The following MED12L variants were observed in gnomAD, a reference collection of about 807,000 sequenced individuals.
MED12L encodes mediator of RNA polymerase II transcription subunit 12-like protein.
Under a neutral mutation model 281.3 loss-of-function variants are expected in MED12L, and 60 were observed. The ratio of observed to expected loss-of-function variants is 0.21; its 90% CI spans 0.17 to 0.26. MED12L has a LOEUF of 0.26. Among genes scored for constraint, MED12L ranks in the 10% least tolerant of loss-of-function variants. The pLI, the probability that MED12L is intolerant of heterozygous loss-of-function variation, is 1.00. For synonymous variants in MED12L, 974 were observed against 987.2 expected, an observed-to-expected ratio of 0.99 and a Z score of 0.25; for missense variants, 2,146 against 2,680.9, an observed-to-expected ratio of 0.80 and a Z score of 4.41.
rs1754478167 is a variant in MED12L at position 151,360,483 on chromosome 3, T to C, written c.2835T>C (p.Gly945=). Residue 945 remains glycine, a synonymous_variant, in exon 21 of 45, where the codon GGT becomes GGC. Transcript: ENST00000687756. The part of the protein sequence containing the change: ...QTAQVFEGLC[G]VVKHVVNPSE... ...ATATTTTTCTCCTCAGGTTGTGTGG[T>C]GTGGTCAAGCATGTCGTAAACCCCT... The C allele has an allele frequency of 6.2e-7, 1 of 1,612,078 alleles. No homozygotes were observed. The highest frequency in any genetic ancestry group is 8.5e-7 in the Non-Finnish European group (1 of 1,178,868).
At position 151,393,843 on chromosome 3, in the gene MED12L, A is replaced by T. The variant is rs1398176950; in HGVS notation, c.5609-813A>T. ...CAGCTTTAAAATGTTTGTTTTCATC[A>T]TACACCTTGCTTTATAGAAAAGATA... On this transcript the variant is annotated intron_variant, in intron 38 of 44. Transcript: ENST00000687756. Among the ~76,000 whole-genome samples, 4 of 152,198 alleles carry T rather than the reference A, an allele frequency of 2.6e-5. No homozygotes were observed. The East Asian group carries it at 5.8e-4, about 22-fold the overall frequency.
At chr3:151,212,587 C>CT (rs1042375492) in intron 16 of MED12L, 1 of 152,002 alleles carries the variant, frequency 6.6e-6, no homozygotes, top group Non-Finnish European at 1.5e-5. Context: ...TAAAAATATT[C>CT]TAACACCAGA....
intron 16 of MED12L, among the ~76,000 whole-genome samples, chr3:151,209,435 A>G (rs138472399): frequency 6.6e-6 from 1 of 152,310 alleles, no homozygotes; most frequent in African/African-American, 2.4e-5. Context: ...AAGAAAAACT[A>G]CATTTTGTTA....
intron 16 of MED12L, chr3:151,337,574 C>T (rs1751179264): frequency 2.1e-6 from 1 of 473,124 alleles, no homozygotes. Context: ...TTGCATGCAG[C>T]ATGACAATTG....
intron 16 of MED12L, chr3:151,337,559 T>C: frequency 2.4e-6 from 1 of 413,074 alleles, no homozygotes; most frequent in Non-Finnish European, 4.3e-6. Context: ...GAATTCTGTG[T>C]AGTTTTGCAT....
At chr3:151,411,861 A>C (rs1716976725) in intron 41 of MED12L, among the ~76,000 whole-genome samples, 1 of 152,194 alleles carries the variant, frequency 6.6e-6, no homozygotes, top group Non-Finnish European at 1.5e-5. Flanking sequence ...TATTGTTAGG[A>C]ATGCCTTACT....
intron 11 of MED12L, among the ~76,000 whole-genome samples, chr3:151,178,935 C>T (rs1257943539): frequency 6.6e-6 from 1 of 152,210 alleles, no homozygotes; most frequent in Non-Finnish European, 1.5e-5. Context: ...AAAAGATTTA[C>T]ATGTAACATT....
In MED12L at chr3:151,087,872, C is replaced by T. The variant is rs375588658; in HGVS notation, c.99+847C>T. Among the ~76,000 whole-genome samples the T allele has an allele frequency of 5.9e-4, 90 of 151,628 alleles. No homozygotes were observed. In the Middle Eastern group the frequency reaches 0.01, roughly 17 times the overall value. On this transcript the variant is annotated intron_variant, in intron 2 of 44. Transcript: ENST00000687756. ...ATCACCTTTGGCTACACCATTTGCC[C>T]AGGGACTTGCCTTTTTTTTGTTTTT...
chr3:151,315,926 TAAAATTTA>T (rs927232191), intron 16 of MED12L, among the ~76,000 whole-genome samples: 1 of 152,196 alleles, frequency 6.6e-6, no homozygotes, highest in African/African-American at 2.4e-5. Flanking sequence ...AAGTCCTTAT[TAAAATTTA>T]AAAGAACTGA....
intron 16 of MED12L, among the ~76,000 whole-genome samples, chr3:151,214,833 A>G (rs1296576298): frequency 6.6e-6 from 1 of 152,218 alleles, no homozygotes; most frequent in East Asian, 1.9e-4. Context: ...CTGTAAAAGC[A>G]GAATTAATGT....
At chr3:151,103,010 A>G (rs1721579320) in intron 2 of MED12L, among the ~76,000 whole-genome samples, 1 of 152,250 alleles carries the variant, frequency 6.6e-6, no homozygotes, top group South Asian at 2.1e-4. Flanking sequence ...CTAGCACACT[A>G]GCTTGTTAAG....
intron 16 of MED12L, among the ~76,000 whole-genome samples, chr3:151,224,282 A>G (rs1300172455): frequency 1.3e-5 from 2 of 152,172 alleles, no homozygotes; most frequent in African/African-American, 4.8e-5. Flanking sequence ...CAAAAGCTTT[A>G]ATACACAGTG....
intron 16 of MED12L, among the ~76,000 whole-genome samples, chr3:151,233,728 C>T (rs538465298): frequency 2.0e-5 from 3 of 152,254 alleles, no homozygotes; most frequent in South Asian, 2.1e-4. Flanking sequence ...AGTGAAACTC[C>T]GTCTCAAAAA....
chr3:151,236,644 A>G (rs1406795527), intron 16 of MED12L, among the ~76,000 whole-genome samples: 3 of 152,174 alleles, frequency 2.0e-5, no homozygotes, highest in Admixed American at 2.0e-4. Flanking sequence ...CTGTTTTACA[A>G]ATTTTTGTAA....
chr3:151,111,208 G>T (rs1711831165), intron 2 of MED12L, among the ~76,000 whole-genome samples: 1 of 152,162 alleles, frequency 6.6e-6, no homozygotes, highest in South Asian at 2.1e-4. Context: ...GGAGCTTCAG[G>T]TTATCACTTT....
chr3:151,233,664 C>T (rs956872508), intron 16 of MED12L, among the ~76,000 whole-genome samples: 4 of 152,124 alleles, frequency 2.6e-5, no homozygotes, highest in Non-Finnish European at 4.4e-5. Flanking sequence ...ACCCGGGAGG[C>T]GGAGGTTGTG....
chr3:151,166,631 A>G (rs556347577), intron 11 of MED12L, among the ~76,000 whole-genome samples: 5 of 151,802 alleles, frequency 3.3e-5, no homozygotes, highest in Admixed American at 6.6e-5. Flanking sequence ...TCTTGAGTCC[A>G]TAGGCAGTCT....
rs1217582608 is a variant in MED12L, at chr3:151,192,671, A to G, written c.2073+17A>G. 2.8e-6 allele frequency: 4 copies of G among 1,431,572 alleles called. No individual in the cohort carries two copies. Among genetic ancestry groups the G allele is most frequent in the Non-Finnish European group, 3.8e-6 (4 of 1,051,206 alleles). The allele number at this position is 1,431,572 out of a possible 1,614,324, so 88.7% of individuals were successfully genotyped here. ...GAATTTCCAGTAGGTTCAATCTTTG[A>G]TTCTTATTGACAATTAAGAATTAAC... On this transcript the variant is annotated intron_variant, in intron 15 of 44. Coordinates refer to ENST00000687756, the MANE Select transcript of MED12L (RefSeq NM_001393769.1).
chr3:151,183,724 A>C (rs1224678556), intron 11 of MED12L, among the ~76,000 whole-genome samples: 1 of 152,270 alleles, frequency 6.6e-6, no homozygotes, highest in East Asian at 1.9e-4. Flanking sequence ...ATAGATATTA[A>C]ATCTCACATA....
Sources: gnomAD v4.1 joint callset for allele counts (sites outside exome capture counted in the v4.1 genomes callset) on GRCh38, gnomAD v4.1.1 for gene constraint, MANE v1.5 for transcripts, NCBI Gene and HGNC (gene_info 2026-07-23, HGNC 2026-07-21) for gene names.